Variants in INPP5A observed in about 807,000 individuals in gnomAD.
INPP5A encodes inositol polyphosphate-5-phosphatase A, also known as 43 kDa inositol polyphosphate 5-phophatase.
In INPP5A, 14 loss-of-function variants were observed where a neutral mutation model predicts 65.2. The observed-to-expected ratio is 0.21, with a 90% CI of 0.14 to 0.34. The LOEUF (loss-of-function observed/expected upper bound fraction) is 0.34, where lower values mean the gene tolerates loss of function less well. Among genes scored for constraint, INPP5A ranks in the 10% least tolerant of loss-of-function variants. INPP5A has a pLI of 1.00. For missense variants in INPP5A, 431 were observed against 545.6 expected, an observed-to-expected ratio of 0.79 and a Z score of 2.09; for synonymous variants, 207 against 208.3, an observed-to-expected ratio of 0.99 and a Z score of 0.05.
At chr10:132,606,386 G>T (rs561447827) in intron 1 of INPP5A, among the ~76,000 whole-genome samples, 36 of 152,268 alleles carry the variant, frequency 2.4e-4, no homozygotes, top group South Asian at 8.3e-4. Context: ...TGCTGGGGCG[G>T]TTGCGTGCGT....
At chr10:132,756,245 ATG>A (rs1846609589) in intron 11 of INPP5A, among the ~76,000 whole-genome samples, 1 of 151,848 alleles carries the variant, frequency 6.6e-6, no homozygotes, top group Admixed American at 6.6e-5. Flanking sequence ...ATGCGTGTAC[ATG>A]TGTGCACTCA....
intron 1 of INPP5A, among the ~76,000 whole-genome samples, chr10:132,602,445 C>T (rs761841055): frequency 2.5e-4 from 38 of 152,186 alleles, no homozygotes; most frequent in African/African-American, 7.2e-4. Context: ...AGGCATGCAC[C>T]ACCATGCCTG....
intron 1 of INPP5A, among the ~76,000 whole-genome samples, chr10:132,583,855 G>A (rs538963545): frequency 1.3e-5 from 2 of 152,290 alleles, no homozygotes; most frequent in South Asian, 4.1e-4. Flanking sequence ...GCCAAGGGGG[G>A]CGGATAGCTT....
rs1054838350 is a variant in INPP5A, at chr10:132,646,311, A to C, written c.218+343A>C. Among the ~76,000 whole-genome samples, 3 of 152,250 alleles carry C rather than the reference A, an allele frequency of 2.0e-5. No homozygotes were observed. In the South Asian group the frequency reaches 6.2e-4, roughly 32 times the overall value. The stretch of plus-strand genomic sequence containing the variant: ...CTGTGGTGGCCGGGGTTCACATCCC[A>C]CTGCGCAGTCTGTCTCAAGGAGGTC... On this transcript the variant is annotated intron_variant, in intron 3 of 15. Coordinates refer to ENST00000368594, the MANE Select transcript of INPP5A (RefSeq NM_005539.5).
chr10:132,597,637 T>A (rs947226237), intron 1 of INPP5A, among the ~76,000 whole-genome samples: 21 of 152,244 alleles, frequency 1.4e-4, no homozygotes, highest in African/African-American at 4.8e-4. Context: ...TTAACATCTG[T>A]GTGCATTGCA....
chr10:132,547,750 G>A lies in INPP5A; in HGVS notation c.75+9579G>A, dbSNP rs1269418483. ...GTTTTCCTCCTTCACGGGACAGCCC[G>A]CGTGCCCCCAGCCCTGTGACGCGCT... On this transcript the variant is annotated intron_variant, in intron 1 of 15. Transcript: ENST00000368594. This position sits in a 1 kb window ranked among gnomAD's most constrained non-coding sequence, Gnocchi z 5.5. Among the ~76,000 whole-genome samples, 1 of 152,084 alleles carries A rather than the reference G, an allele frequency of 6.6e-6. No individual in the cohort carries two copies. The highest frequency in any genetic ancestry group is 2.4e-5 in the African/African-American group (1 of 41,406).
chr10:132,569,656 C>G (rs1474395113), intron 1 of INPP5A, among the ~76,000 whole-genome samples: 1 of 152,016 alleles, frequency 6.6e-6, no homozygotes, highest in Non-Finnish European at 1.5e-5. Flanking sequence ...CTCGCTGGGT[C>G]CCCACTGTTT....
At chr10:132,604,260 C>T (rs1483049038) in intron 1 of INPP5A, among the ~76,000 whole-genome samples, 2 of 147,856 alleles carry the variant, frequency 1.4e-5, no homozygotes, top group Admixed American at 6.7e-5. Context: ...CTCCATCCTG[C>T]CCTGTGCCGT....
At chr10:132,568,679 C>G (rs1018633190) in intron 1 of INPP5A, among the ~76,000 whole-genome samples, 7 of 152,104 alleles carry the variant, frequency 4.6e-5, no homozygotes, top group African/African-American at 1.7e-4. Flanking sequence ...ATGGCTTGAA[C>G]CCAGGAGGTG....
rs775436903 is a variant in INPP5A, at chr10:132,697,796, G to C, written c.371-20G>C. On this transcript the variant is annotated intron_variant, in intron 5 of 15. Coordinates refer to ENST00000368594, the MANE Select transcript of INPP5A (RefSeq NM_005539.5). This position sits in a 1 kb window ranked among gnomAD's most constrained non-coding sequence, Gnocchi z 5.6. ...GGCACAGTGATGGGATAGTCACCTC[G>C]TCCTTCTGGTCTCTTCCAGCTAAGA... 1 of 1,538,156 alleles carries C rather than the reference G, an allele frequency of 6.5e-7. No homozygotes were observed. Among genetic ancestry groups the C allele is most frequent in the East Asian group, 2.2e-5 (1 of 44,454 alleles).
chr10:132,713,945 C>T (rs988461780), intron 8 of INPP5A, among the ~76,000 whole-genome samples: 2 of 152,152 alleles, frequency 1.3e-5, no homozygotes, highest in Admixed American at 1.3e-4. Flanking sequence ...GACAGCATGT[C>T]AGTCGCCCAG....
intron 7 of INPP5A, among the ~76,000 whole-genome samples, chr10:132,709,024 G>A (rs753323880): frequency 1.6e-4 from 24 of 151,856 alleles, no homozygotes; most frequent in African/African-American, 2.9e-4. Context: ...GTAACAGACC[G>A]CCCTAAACTT....
intron 9 of INPP5A, among the ~76,000 whole-genome samples, chr10:132,732,945 G>T (rs1479452898): frequency 1.3e-5 from 2 of 152,144 alleles, no homozygotes; most frequent in African/African-American, 4.8e-5. Flanking sequence ...CCACAGGCTG[G>T]GTGGCTTACA....
chr10:132,561,722 C>CCACACACACACACACA (rs35335535), intron 1 of INPP5A, among the ~76,000 whole-genome samples: 2 of 142,314 alleles, frequency 1.4e-5, no homozygotes, highest in Admixed American at 7.0e-5. Flanking sequence ...TTGTCAATTT[C>CCACACACACACACACA]CACACACACA....
At position 132,625,840 on chromosome 10, in the gene INPP5A, C is replaced by CTGTGTGTGTG. The variant is rs139839964; in HGVS notation, c.117+17912_117+17921dup. Among the ~76,000 whole-genome samples, 143 of 146,682 alleles carry CTGTGTGTGTG rather than the reference C, an allele frequency of 9.7e-4. 1 individual carries two copies. Among genetic ancestry groups the CTGTGTGTGTG allele is most frequent in the Admixed American group, 2.2e-3 (33 of 14,842 alleles). On this transcript the variant is annotated intron_variant, in intron 2 of 15. Coordinates refer to ENST00000368594, the MANE Select transcript of INPP5A (RefSeq NM_005539.5). ...TTCTCTGCAAGGGCTGGCAGGACTT[C>CTGTGTGTGTG]TGTGTGTGTGTGTGTGTGTGTGTGT... is the stretch of plus-strand genomic sequence containing the variant.
At chr10:132,777,004 C>A (rs899982454) in intron 12 of INPP5A, among the ~76,000 whole-genome samples, 1 of 152,186 alleles carries the variant, frequency 6.6e-6, no homozygotes, top group Non-Finnish European at 1.5e-5. Flanking sequence ...CCAGCAGACC[C>A]CAGGCAGTGT....
rs900290891 is a variant in INPP5A, at chr10:132,704,995, T to C, written c.475-3318T>C. Among the ~76,000 whole-genome samples the C allele has an allele frequency of 7.3e-5, 11 of 149,776 alleles. No individual in the cohort carries two copies. The highest frequency in any genetic ancestry group is 1.3e-4 in the Non-Finnish European group (9 of 67,444). On this transcript the variant is annotated intron_variant, in intron 6 of 15. Transcript: ENST00000368594. This position sits in a 1 kb window ranked among gnomAD's most constrained non-coding sequence, Gnocchi z 4.5. ...CAGGCGGCAGGCAGCTCCTCTGGAG[T>C]GTGGAGGATGGAGGAAGGGCGTCTG... is the stretch of plus-strand genomic sequence containing the variant.
At position 132,741,741 on chromosome 10, in the gene INPP5A, A is replaced by AGCTG. The variant is rs1230872351; in HGVS notation, c.733-7776_733-7775insGCTG. Among the ~76,000 whole-genome samples the AGCTG allele has an allele frequency of 1.7e-5, 1 of 58,212 alleles. No individual in the cohort carries two copies. The highest frequency in any genetic ancestry group is 4.4e-5 in the African/African-American group (1 of 22,732). 38.2% of individuals were successfully genotyped at this position (58,212 alleles called of 152,430 possible). On this transcript the variant is annotated intron_variant, in intron 9 of 15. Transcript: ENST00000368594. The surrounding 1 kb of genome is among the most constrained non-coding windows in gnomAD (Gnocchi z 4.4). The stretch of plus-strand genomic sequence containing the variant: ...GTATCTGTGTCCGCTTGCTTTACTC[A>AGCTG]ATAGCCGACGTAAACTGAGGTGGAC...
intron 4 of INPP5A, among the ~76,000 whole-genome samples, chr10:132,668,603 T>C (rs2072838222): frequency 6.6e-6 from 1 of 152,244 alleles, no homozygotes; most frequent in Non-Finnish European, 1.5e-5. Context: ...AGAGATTTAA[T>C]TAAAGCATGA....
Sources: gnomAD v4.1 joint callset for allele counts (sites outside exome capture counted in the v4.1 genomes callset) on GRCh38, gnomAD v4.1.1 for gene constraint, Gnocchi (gnomAD v3.1) non-coding constraint, MANE v1.5 for transcripts, NCBI Gene and HGNC (gene_info 2026-07-23, HGNC 2026-07-21) for gene names.